The following RAPGEF2 variants were observed in gnomAD, a reference collection of about 807,000 sequenced individuals.
RAPGEF2 encodes PDZ domain containing guanine nucleotide exchange factor (GEF) 1.
Under a neutral mutation model 186.7 loss-of-function variants are expected in RAPGEF2, and 54 were observed. The ratio of observed to expected loss-of-function variants is 0.29; its 90% confidence interval spans 0.23 to 0.36. The LOEUF (loss-of-function observed/expected upper bound fraction) is 0.36, where lower values mean the gene tolerates loss of function less well. Among genes scored for constraint, RAPGEF2 ranks in the 10% least tolerant of loss-of-function variants. RAPGEF2 has a pLI of 1.00. For missense variants in RAPGEF2, 1,532 were observed against 2,045.0 expected (o/e 0.75, Z 4.84); for synonymous variants, 712 against 705.9 (o/e 1.01, Z -0.14).
chr4:159,277,969 T>TTTGCTTTTGTTGCCA (rs1438069138), intron 7 of RAPGEF2, among the ~76,000 whole-genome samples: 2 of 152,236 alleles, frequency 1.3e-5, no homozygotes, highest in South Asian at 2.1e-4. Context: ...TTTGTCAATT[T>TTTGCTTTTGTTGCCA]TTGCTTTTGT....
At chr4:159,124,640 AT>A (rs1432751664) in intron 1 of RAPGEF2, among the ~76,000 whole-genome samples, 1 of 152,214 alleles carries the variant, frequency 6.6e-6, no homozygotes, top group Non-Finnish European at 1.5e-5. Context: ...GAAGAGACTT[AT>A]CCAGCCTAGT....
intron 1 of RAPGEF2, among the ~76,000 whole-genome samples, chr4:159,137,377 G>A (rs1167536776): frequency 1.3e-5 from 2 of 152,116 alleles, no homozygotes; most frequent in Admixed American, 1.3e-4. Context: ...AGGAGCAGAG[G>A]GAGAGGGAGA....
chr4:159,198,441 TTTC>T (rs1483013172), intron 3 of RAPGEF2, among the ~76,000 whole-genome samples: 2 of 150,210 alleles, frequency 1.3e-5, no homozygotes, highest in Non-Finnish European at 3.0e-5. Context: ...TCTTTCTTTC[TTTC>T]TTCTTACTGT....
At chr4:159,149,127 G>C (rs1434685175) in intron 1 of RAPGEF2, among the ~76,000 whole-genome samples, 2 of 152,140 alleles carry the variant, frequency 1.3e-5, no homozygotes, top group Non-Finnish European at 2.9e-5. Context: ...GGGAAATACT[G>C]TTCTAAATAA....
At chr4:159,253,732 G>T (rs1281030093) in intron 7 of RAPGEF2, among the ~76,000 whole-genome samples, 1 of 152,056 alleles carries the variant, frequency 6.6e-6, no homozygotes, top group Non-Finnish European at 1.5e-5. Flanking sequence ...ACTTTGGGAG[G>T]CCGAGGCGGG....
At chr4:159,258,478 A>G (rs1756442601) in intron 7 of RAPGEF2, among the ~76,000 whole-genome samples, 1 of 152,198 alleles carries the variant, frequency 6.6e-6, no homozygotes, top group African/African-American at 2.4e-5. Context: ...GATTACAACA[A>G]AAGGGCAGGC....
chr4:159,209,134 C>T (rs1284258704), intron 3 of RAPGEF2, among the ~76,000 whole-genome samples: 2 of 148,034 alleles, frequency 1.4e-5, no homozygotes, highest in African/African-American at 2.5e-5. Context: ...TCAGGTGATC[C>T]GCCTGCCTGA....
intron 4 of RAPGEF2, among the ~76,000 whole-genome samples, chr4:159,216,534 C>T (rs1751008858): frequency 6.6e-6 from 1 of 151,300 alleles, no homozygotes; most frequent in South Asian, 2.1e-4. Flanking sequence ...TCAAACATAA[C>T]CAACAGCTTG....
chr4:159,215,188 A>G (rs1750883698), intron 4 of RAPGEF2, among the ~76,000 whole-genome samples: 1 of 151,448 alleles, frequency 6.6e-6, no homozygotes, highest in Non-Finnish European at 1.5e-5. Context: ...TTTGGTTTTT[A>G]AAGAGACAGG....
intron 1 of RAPGEF2, among the ~76,000 whole-genome samples, chr4:159,156,868 A>G (rs1744187312): frequency 1.3e-5 from 2 of 152,218 alleles, no homozygotes; most frequent in East Asian, 3.8e-4. Context: ...GCAACAATAA[A>G]CAATACAAAC....
In RAPGEF2 at chr4:159,163,133, A is replaced by G. The variant is rs193025049; in HGVS notation, c.70-23509A>G. Among the ~76,000 whole-genome samples the G allele has an allele frequency of 2.0e-5, 3 of 152,290 alleles. No homozygotes were observed. In the East Asian group the frequency reaches 5.8e-4, roughly 29 times the overall value. ...CAGAAAAGGTAGCTAGTAGGTATTT[A>G]TCCTTACCAAAAGATGGGCATGCTT... On this transcript the variant is annotated intron_variant, in intron 1 of 29. Transcript: ENST00000691494.
intron 1 of RAPGEF2, among the ~76,000 whole-genome samples, chr4:159,165,644 G>T (rs1434639958): frequency 6.6e-6 from 1 of 152,118 alleles, no homozygotes; most frequent in Non-Finnish European, 1.5e-5. Flanking sequence ...TTGAGAGAGG[G>T]TCTCAATCCG....
At chr4:159,265,389 T>G in intron 7 of RAPGEF2, among the ~76,000 whole-genome samples, 1 of 152,148 alleles carries the variant, frequency 6.6e-6, no homozygotes, top group East Asian at 1.9e-4. Context: ...TTCACCAGTT[T>G]GTTTTTGGGA....
chr4:159,331,263 C>T (rs537446586), intron 13 of RAPGEF2, among the ~76,000 whole-genome samples, 168 bp from the exon 14 acceptor site: 61 of 152,258 alleles, frequency 4.0e-4, no homozygotes, highest in African/African-American at 1.4e-3. Context: ...AGTAAAAATA[C>T]TCATTTTCAG....
chr4:159,314,692 A>C lies in RAPGEF2; in HGVS notation c.777A>C (p.Ser259=), dbSNP rs758829121. The C allele has an allele frequency of 6.2e-7, 1 of 1,614,072 alleles. No homozygotes were observed. Among genetic ancestry groups the C allele is most frequent in the Non-Finnish European group, 8.5e-7 (1 of 1,179,964 alleles). ...DDDEEDIERA[S]DPLMSRDIVR... ...ATGAAGAAGACATTGAGAGAGCATC[A>C]GATCCTCTGATGAGCAGGGACATTG... is the stretch of plus-strand genomic sequence containing the variant. Residue 259 remains serine (S), a synonymous_variant, in exon 9 of 30, where the codon TCA becomes TCC. Coordinates refer to ENST00000691494, the MANE Select transcript of RAPGEF2 (RefSeq NM_001394067.2).
chr4:159,245,366 C>T (rs1195067414), intron 7 of RAPGEF2, among the ~76,000 whole-genome samples: 1 of 151,706 alleles, frequency 6.6e-6, no homozygotes, highest in Non-Finnish European at 1.5e-5. Flanking sequence ...AGATTGAGGC[C>T]GTATTTCAAA....
At chr4:159,280,135 A>G (rs770846704) in intron 7 of RAPGEF2, among the ~76,000 whole-genome samples, 2 of 151,998 alleles carry the variant, frequency 1.3e-5, no homozygotes, top group African/African-American at 4.8e-5. Context: ...TTGACTTACT[A>G]TTTGGGTGAT....
At chr4:159,277,701 T>A (rs1759101005) in intron 7 of RAPGEF2, among the ~76,000 whole-genome samples, 1 of 152,244 alleles carries the variant, frequency 6.6e-6, no homozygotes, top group Non-Finnish European at 1.5e-5. Context: ...TTTTCACATA[T>A]CTGTTGGCTG....
At chr4:159,137,349 TAGG>T (rs1741828044) in intron 1 of RAPGEF2, among the ~76,000 whole-genome samples, 1 of 152,108 alleles carries the variant, frequency 6.6e-6, no homozygotes, top group African/African-American at 2.4e-5. Flanking sequence ...CCTCAGCTCA[TAGG>T]AGGGGAAATG....
Sources: allele counts gnomAD v4.1 joint callset (sites outside exome capture counted in the v4.1 genomes callset), GRCh38; gene constraint gnomAD v4.1.1; transcripts MANE v1.5; gene names NCBI Gene and HGNC (gene_info 2026-07-23, HGNC 2026-07-21).